Variants in DIAPH2 observed in about 807,000 individuals in gnomAD.
DIAPH2 encodes the protein diaphanous related formin 2.
DIAPH2 carries 35 observed loss-of-function variants against 92.7 expected under a neutral mutation model. That is an observed-to-expected ratio of 0.38 (90% CI 0.29 to 0.50). The LOEUF is 0.50. Among genes scored for constraint, DIAPH2 ranks in the 20% least tolerant of loss-of-function variants. The probability of loss-of-function intolerance (pLI) is 0.94; values close to 1 mark genes in which losing one functional copy is unlikely to be tolerated. For synonymous variants in DIAPH2, 301 were observed against 280.4 expected (o/e 1.07, Z -0.73); for missense variants, 701 against 819.5 (o/e 0.86, Z 1.77).
chrX:97,035,263 T>G (rs1602735178), intron 17 of DIAPH2, among the ~76,000 whole-genome samples: 1 of 112,045 alleles, frequency 8.9e-6, no homozygotes, highest in East Asian at 2.8e-4. Context: ...AGTCTTGATC[T>G]ATGGGACGCC....
chrX:97,068,985 G>A (rs183618760), intron 17 of DIAPH2, among the ~76,000 whole-genome samples: 88 of 111,014 alleles, frequency 7.9e-4, no homozygotes, highest in African/African-American at 2.7e-3. Flanking sequence ...TTCCTGAGAC[G>A]GAGTTTCTCT....
Position 97,429,688 on chromosome X carries a change from G to T in DIAPH2, c.3184G>T (p.Ala1062Ser). The T allele has an allele frequency of 8.3e-7, 1 of 1,209,972 alleles. No homozygotes were observed. Among genetic ancestry groups the T allele is most frequent in the Non-Finnish European group, 1.1e-6 (1 of 895,021 alleles). ...ETGVMDNLLE[A>S]LQSGAAFRDR... is the part of the protein sequence containing the mutation. ...TGGTGTGATGGATAATCTTCTAGAA[G>T]CCCTACAATCAGGTGCAGCATTCAG... is the stretch of plus-strand genomic sequence containing the variant. Residue 1062 changes from alanine to serine, a missense_variant, in exon 26 of 27, where the codon GCC (alanine) becomes TCC (serine). Ala to Ser is a moderately conservative substitution (Grantham distance 99). Around this residue, in one of 3 missense-constraint regions of DIAPH2, gnomAD observed 536 missense variants for 599.3 expected, o/e 0.89. Transcript: ENST00000324765.
chrX:97,589,028 A>ATATATATATATATAT (rs1569430281), intron 26 of DIAPH2, among the ~76,000 whole-genome samples: 3 of 9,677 alleles, frequency 3.1e-4, no homozygotes, highest in South Asian at 9.7e-3. Flanking sequence ...TATATATATA[A>ATATATATATATATAT]AAGAATCAGA....
rs745620702 is a variant in DIAPH2, at chrX:97,061,188, G to C, written c.2051-11753G>C. Among the ~76,000 whole-genome samples the C allele has an allele frequency of 9.8e-5, 11 of 111,903 alleles. No homozygotes were observed. In the South Asian group the frequency reaches 4.1e-3, roughly 42 times the overall value. On this transcript the variant is annotated intron_variant, in intron 17 of 26. Coordinates refer to ENST00000324765, the MANE Select transcript of DIAPH2 (RefSeq NM_006729.5). The stretch of plus-strand genomic sequence containing the variant: ...CTACTTGCTAACTGAAACGGACCTT[G>C]ACGTAAAGCAGAGTATTAGACTCAG...
intron 21 of DIAPH2, among the ~76,000 whole-genome samples, chrX:97,119,727 C>T (rs941914508): frequency 5.4e-5 from 6 of 111,384 alleles, no homozygotes; most frequent in African/African-American, 9.8e-5. Context: ...GGTCTTGTTG[C>T]GGCTGCTGAG....
At chrX:97,132,919 T>A (rs2067147297) in intron 21 of DIAPH2, among the ~76,000 whole-genome samples, 1 of 111,465 alleles carries the variant, frequency 9.0e-6, no homozygotes, top group Non-Finnish European at 1.9e-5. Context: ...AGGCAATTTT[T>A]TTTTTTCCTG....
At chrX:96,833,590 C>T (rs994880204) in intron 4 of DIAPH2, among the ~76,000 whole-genome samples, 1 of 111,400 alleles carries the variant, frequency 9.0e-6, no homozygotes, top group Non-Finnish European at 1.9e-5. Context: ...AAAGACAAGT[C>T]TAGAAAAATC....
intron 21 of DIAPH2, among the ~76,000 whole-genome samples, chrX:97,134,955 G>C (rs2067160396): frequency 9.0e-6 from 1 of 110,933 alleles, no homozygotes; most frequent in Non-Finnish European, 1.9e-5. Context: ...TTCTAACAGT[G>C]CTTGAAGGTC....
At chrX:97,013,133 T>C (rs1483192271) in intron 17 of DIAPH2, among the ~76,000 whole-genome samples, 1 of 112,202 alleles carries the variant, frequency 8.9e-6, no homozygotes. Context: ...AATTCAGTAA[T>C]TAGGATTTCT....
intron 4 of DIAPH2, among the ~76,000 whole-genome samples, chrX:96,811,165 C>G (rs1203326131): frequency 8.9e-6 from 1 of 111,803 alleles, no homozygotes; most frequent in Non-Finnish European, 1.9e-5. Flanking sequence ...GAATGTTCTT[C>G]CATTTCTTTG....
chrX:97,021,391 T>C (rs1305956266), intron 17 of DIAPH2, among the ~76,000 whole-genome samples: 1 of 111,144 alleles, frequency 9.0e-6, no homozygotes, highest in Non-Finnish European at 1.9e-5. Context: ...TAGATTTGGG[T>C]TTCACCATGT....
chrX:96,900,577 T>A (rs1201552836), intron 5 of DIAPH2, among the ~76,000 whole-genome samples: 1 of 111,577 alleles, frequency 9.0e-6, no homozygotes, highest in Non-Finnish European at 1.9e-5. Context: ...CAGTATGATG[T>A]TGGCTTTGGG....
intron 22 of DIAPH2, among the ~76,000 whole-genome samples, chrX:97,218,028 C>T (rs2067897679): frequency 9.0e-6 from 1 of 110,965 alleles, no homozygotes; most frequent in Admixed American, 9.6e-5. Context: ...AAAGCCAAGA[C>T]ATGCTCTAGG....
At chrX:97,568,073 G>A (rs181177876) in intron 26 of DIAPH2, among the ~76,000 whole-genome samples, 98 of 82,803 alleles carry the variant, frequency 1.2e-3, no homozygotes, top group African/African-American at 4.3e-3. Flanking sequence ...TGGAGATTGC[G>A]CCATTGCATG....
intron 26 of DIAPH2, among the ~76,000 whole-genome samples, chrX:97,525,631 G>T (rs1414177409): frequency 1.8e-5 from 2 of 112,461 alleles, no homozygotes; most frequent in Non-Finnish European, 3.8e-5. Context: ...TAAATGAGTA[G>T]ATGAATGAAC....
rs144233498 is a variant in DIAPH2, at chrX:96,739,777, C to T, written c.342+1015C>T. ...CTGAAACGAGTCCTGACACTTTTAC[C>T]CTTTTTCACTCTTCTTCCTGCTTCT... On this transcript the variant is annotated intron_variant, in intron 3 of 26. Transcript: ENST00000324765. Among the ~76,000 whole-genome samples, 977 of 111,804 alleles carry T rather than the reference C, an allele frequency of 8.7e-3. 11 individuals are homozygous for T. The highest frequency in any genetic ancestry group is 0.03 in the African/African-American group (922 of 30,768).
intron 23 of DIAPH2, among the ~76,000 whole-genome samples, chrX:97,346,878 G>C (rs1417435098): frequency 9.0e-6 from 1 of 110,605 alleles, no homozygotes; most frequent in Non-Finnish European, 1.9e-5. Flanking sequence ...TCATTTTCTT[G>C]CCTGCTTCAG....
At chrX:97,375,200 A>G (rs183745042) in intron 24 of DIAPH2, among the ~76,000 whole-genome samples, 2 of 111,795 alleles carry the variant, frequency 1.8e-5, no homozygotes, top group Non-Finnish European at 3.8e-5. Flanking sequence ...TCATGCCTGT[A>G]ATCCTAGCAC....
At chrX:97,299,801 G>A (rs775378466) in intron 23 of DIAPH2, among the ~76,000 whole-genome samples, 8 of 111,752 alleles carry the variant, frequency 7.2e-5, no homozygotes, top group African/African-American at 2.3e-4. Context: ...TTTAAATCAA[G>A]GCTCTTTCAT....
Sources: allele counts gnomAD v4.1 joint callset (sites outside exome capture counted in the v4.1 genomes callset), GRCh38; gene constraint gnomAD v4.1.1; regional missense constraint gnomAD v4.1.1; transcripts MANE v1.5; gene names NCBI Gene and HGNC (gene_info 2026-07-23, HGNC 2026-07-21).